Variants in CMIP observed in about 807,000 individuals in gnomAD.
CMIP encodes c-Maf inducing protein.
CMIP carries 13 observed loss-of-function variants against 97.3 expected under a neutral mutation model. The observed-to-expected ratio is 0.13, with a 90% confidence interval of 0.09 to 0.21. CMIP has a LOEUF of 0.21. Among genes scored for constraint, CMIP ranks in the 10% least tolerant of loss-of-function variants. CMIP has a pLI of 1.00. For synonymous variants in CMIP, 538 were observed against 436.3 expected, an observed-to-expected ratio of 1.23 and a Z score of -2.91; for missense variants, 847 against 1,024.9, an observed-to-expected ratio of 0.83 and a Z score of 2.37.
chr16:81,657,871 A>G, intron 5 of CMIP, 55 bp downstream of exon 5: 1 of 1,455,056 alleles, frequency 6.9e-7, no homozygotes, highest in South Asian at 1.3e-5. Flanking sequence ...TGGAGCCTAC[A>G]ACCCTTTTCC....
chr16:81,518,269 C>G (rs1476060472), intron 1 of CMIP: 1 of 152,218 alleles, frequency 6.6e-6, no homozygotes, highest in Non-Finnish European at 1.5e-5. Flanking sequence ...CTGTCATCCT[C>G]TAAGGGTCAT....
At chr16:81,604,677 G>A (rs1188117733) in intron 1 of CMIP, among the ~76,000 whole-genome samples, 2 of 152,178 alleles carry the variant, frequency 1.3e-5, no homozygotes, top group Non-Finnish European at 2.9e-5. Context: ...TCCAGCCTGG[G>A]CGACAGAGCA....
intron 1 of CMIP, among the ~76,000 whole-genome samples, chr16:81,503,722 G>T (rs1443433528): frequency 1.3e-5 from 2 of 152,198 alleles, no homozygotes; most frequent in African/African-American, 2.4e-5. Flanking sequence ...GTGCCAGTCT[G>T]GTCACCTTAT....
At position 81,469,689 on chromosome 16, in the gene CMIP, C is replaced by T. The variant is rs4889324; in HGVS notation, c.300+24148C>T. ...TGGATTCACAGTTCTTCAGAGAACT[C>T]ACTATGTGTGACATTGGGCAAGTTA... On this transcript the variant is annotated intron_variant, in intron 1 of 20. Transcript: ENST00000537098. 3.7e-3 allele frequency among the ~76,000 whole-genome samples: 559 copies of T among 152,288 alleles called. 12 individuals are homozygous for T. The highest frequency in any genetic ancestry group is 0.032 in the Admixed American group (492 of 15,306).
intron 3 of CMIP, among the ~76,000 whole-genome samples, chr16:81,634,048 A>G (rs1416711142): frequency 6.6e-6 from 1 of 152,222 alleles, no homozygotes; most frequent in Non-Finnish European, 1.5e-5. Context: ...GTGAAGTCCC[A>G]AGACTAGCAG....
intron 3 of CMIP, chr16:81,630,551 C>T (rs1029926655): frequency 7.9e-5 from 12 of 152,238 alleles, no homozygotes; most frequent in African/African-American, 2.9e-4. Flanking sequence ...GCTGTGCCTC[C>T]GTGGGGTTTT....
chr16:81,587,077 G>A (rs1001321245), intron 1 of CMIP, among the ~76,000 whole-genome samples: 15 of 152,364 alleles, frequency 9.8e-5, no homozygotes, highest in African/African-American at 3.6e-4. Context: ...GATGCAGTGT[G>A]TGCAGTGTGA....
chr16:81,653,911 C>T (rs1424088292), intron 4 of CMIP, among the ~76,000 whole-genome samples: 1 of 152,156 alleles, frequency 6.6e-6, no homozygotes, highest in African/African-American at 2.4e-5. Flanking sequence ...CACATTCTCT[C>T]TGAAAGATGG....
chr16:81,630,161 G>T (rs1199351402), intron 3 of CMIP: 2 of 152,240 alleles, frequency 1.3e-5, no homozygotes, highest in Non-Finnish European at 2.9e-5. Flanking sequence ...GTTTCTTACG[G>T]GGATTAAATG....
At chr16:81,694,367 G>A (rs1010199976) in intron 13 of CMIP, among the ~76,000 whole-genome samples, 2 of 152,180 alleles carry the variant, frequency 1.3e-5, no homozygotes, top group South Asian at 4.1e-4. Flanking sequence ...AGGACAGGGG[G>A]AGTTCCTCTC....
intron 3 of CMIP, among the ~76,000 whole-genome samples, chr16:81,640,090 A>G (rs1198123221): frequency 6.6e-6 from 1 of 152,040 alleles, no homozygotes; most frequent in Non-Finnish European, 1.5e-5. Flanking sequence ...ATTCTCCTGG[A>G]AGTTCCTCCT....
At chr16:81,492,863 CTG>C (rs969742659) in intron 1 of CMIP, among the ~76,000 whole-genome samples, 2 of 150,646 alleles carry the variant, frequency 1.3e-5, no homozygotes, top group Admixed American at 6.6e-5. Flanking sequence ...TTACGGGGAG[CTG>C]TGTGGGGTGG....
chr16:81,644,024 G>A (rs1242238375), intron 3 of CMIP, among the ~76,000 whole-genome samples: 1 of 152,064 alleles, frequency 6.6e-6, no homozygotes, highest in Non-Finnish European at 1.5e-5. Context: ...ATCCCAGTCA[G>A]AGAGAAAAAA....
At chr16:81,481,200 T>C (rs187866003) in intron 1 of CMIP, among the ~76,000 whole-genome samples, 1 of 152,324 alleles carries the variant, frequency 6.6e-6, no homozygotes, top group East Asian at 1.9e-4. Flanking sequence ...CTCTTAGGAA[T>C]ATGCGGTGAT....
chr16:81,696,832 G>T lies in CMIP; in HGVS notation c.1638+165G>T, dbSNP rs745471680. Reference sequence around the variant, plus strand: ...GGTGGTGGTGGTGGTGATGGTGACCGTGACTGTCACTTACTCATTTCTTAT... The same window carrying T: ...GGTGGTGGTGGTGGTGATGGTGACCTTGACTGTCACTTACTCATTTCTTAT... On this transcript the variant is annotated intron_variant, in intron 14 of 20. Coordinates refer to ENST00000537098, the MANE Select transcript of CMIP (RefSeq NM_198390.3). The T allele has an allele frequency of 1.1e-5, 7 of 651,030 alleles. No homozygotes were observed. The East Asian group carries it at 1.7e-4, about 16-fold the overall frequency. 40.3% of individuals were successfully genotyped at this position (651,030 alleles called of 1,614,324 possible).
chr16:81,447,052 C>T (rs539102858), intron 1 of CMIP, among the ~76,000 whole-genome samples: 49 of 152,256 alleles, frequency 3.2e-4, no homozygotes, highest in South Asian at 8.3e-4. Flanking sequence ...GCCCGTCCCG[C>T]GCCACAGGCC....
At chr16:81,495,515 C>T (rs573036306) in intron 1 of CMIP, 7 of 1,611,948 alleles carry the variant, frequency 4.3e-6, no homozygotes, top group South Asian at 2.2e-5. Context: ...ATGTGGGGAA[C>T]GACTCTGTCC....
At chr16:81,672,522 T>A (rs1276889451) in intron 9 of CMIP, among the ~76,000 whole-genome samples, 1 of 152,228 alleles carries the variant, frequency 6.6e-6, no homozygotes, top group Non-Finnish European at 1.5e-5. Context: ...AGGTTTATCC[T>A]GTCTAGTCTT....
chr16:81,573,792 T>C (rs1028296562), intron 1 of CMIP, among the ~76,000 whole-genome samples: 16 of 152,228 alleles, frequency 1.1e-4, no homozygotes, highest in African/African-American at 3.6e-4. Flanking sequence ...TAACGTGTAT[T>C]TGTGCCAGTT....
Sources: gnomAD v4.1 joint callset for allele counts (sites outside exome capture counted in the v4.1 genomes callset) on GRCh38, gnomAD v4.1.1 for gene constraint, MANE v1.5 for transcripts, NCBI Gene and HGNC (gene_info 2026-07-23, HGNC 2026-07-21) for gene names.